The following CIB4 variants were observed in gnomAD, a reference collection of about 807,000 sequenced individuals.
CIB4 encodes the protein calcium and integrin-binding family member 4.
In CIB4, 25 loss-of-function variants were observed where a neutral mutation model predicts 25.8. That is an observed-to-expected ratio of 0.97 (90% CI 0.71 to 1.35). The LOEUF (loss-of-function observed/expected upper bound fraction) is 1.35. Ranked by LOEUF, CIB4 falls within the 40% of genes most tolerant of loss-of-function variation. The pLI, the probability that CIB4 is intolerant of heterozygous loss-of-function variation, is 0.00. For synonymous variants in CIB4, 75 were observed against 81.4 expected (o/e 0.92, Z 0.42); for missense variants, 235 against 228.2 (o/e 1.03, Z -0.19).
chr2:26,625,328 G>A (rs1187911675), intron 3 of CIB4, among the ~76,000 whole-genome samples: 2 of 151,362 alleles, frequency 1.3e-5, no homozygotes, highest in South Asian at 2.1e-4. Context: ...CACCTAGAGC[G>A]AGGCCTTTCC....
intron 6 of CIB4, among the ~76,000 whole-genome samples, chr2:26,582,380 G>A (rs553054443): frequency 1.5e-4 from 23 of 152,194 alleles, no homozygotes; most frequent in Middle Eastern, 3.2e-3. Context: ...GACCCTTTGG[G>A]CCCCTCCTGC....
At chr2:26,603,569 C>G (rs1390032829) in intron 3 of CIB4, among the ~76,000 whole-genome samples, 1 of 152,062 alleles carries the variant, frequency 6.6e-6, no homozygotes, top group East Asian at 1.9e-4. Context: ...CATCCAAGAA[C>G]AAAACTCAGT....
intron 3 of CIB4, among the ~76,000 whole-genome samples, chr2:26,629,168 C>T (rs1442273386): frequency 6.6e-6 from 1 of 152,186 alleles, no homozygotes; most frequent in African/African-American, 2.4e-5. Flanking sequence ...GAAGTAGTGA[C>T]TGTTATCACA....
intron 4 of CIB4, among the ~76,000 whole-genome samples, chr2:26,589,059 C>CTT (rs769408217): frequency 0.07 from 2,019 of 28,878 alleles, 54 homozygotes; most frequent in East Asian, 0.21. Flanking sequence ...TCTTCTTCTT[C>CTT]CTCTTCCTCT....
chr2:26,616,009 C>CGGTGGGGGGT, intron 3 of CIB4, among the ~76,000 whole-genome samples: 1 of 152,314 alleles, frequency 6.6e-6, no homozygotes, highest in South Asian at 2.1e-4. Flanking sequence ...CGCTGGGGGG[C>CGGTGGGGGGT]GGTGGGGGGT....
chr2:26,588,981 C>T (rs186620066), intron 4 of CIB4, among the ~76,000 whole-genome samples: 3,037 of 13,316 alleles, frequency 0.23, 88 homozygotes, highest in East Asian at 0.3. Context: ...CTTCTTCTTT[C>T]TTCTTCTTCT....
intron 4 of CIB4, among the ~76,000 whole-genome samples, chr2:26,584,585 C>A (rs1469764120): frequency 2.0e-5 from 3 of 152,242 alleles, no homozygotes; most frequent in Non-Finnish European, 4.4e-5. Context: ...TTCCCTCCAA[C>A]CCCGTGCATC....
rs377190174 is a variant in CIB4, at chr2:26,632,809, C to T, written c.90-3303G>A. On this transcript the variant is annotated intron_variant, in intron 2 of 6. Coordinates refer to ENST00000288861, the MANE Select transcript of CIB4 (RefSeq NM_001029881.3). ...AAAGGGTTAAGGGCAGTGGGAGTGG[C>T]CGGCTCCAGTCAAAAGGAGCATTTT... 5.3e-5 allele frequency among the ~76,000 whole-genome samples: 8 copies of T among 151,926 alleles called. No homozygotes were observed. In the East Asian group the frequency reaches 1.4e-3, roughly 26 times the overall value.
At chr2:26,611,357 T>C (rs1430510992) in intron 3 of CIB4, among the ~76,000 whole-genome samples, 1 of 152,196 alleles carries the variant, frequency 6.6e-6, no homozygotes, top group Non-Finnish European at 1.5e-5. Flanking sequence ...AGCTGCCTAT[T>C]GAAAAACCAC....
At chr2:26,637,609 G>A (rs1295300323) in intron 2 of CIB4, among the ~76,000 whole-genome samples, 1 of 152,120 alleles carries the variant, frequency 6.6e-6, no homozygotes, top group African/African-American at 2.4e-5. Flanking sequence ...TCTAAGGGCA[G>A]TCTTCCACAG....
intron 2 of CIB4, among the ~76,000 whole-genome samples, chr2:26,630,280 C>A (rs942529116): frequency 6.6e-6 from 1 of 152,134 alleles, no homozygotes; most frequent in African/African-American, 2.4e-5. Flanking sequence ...GAACCTGGGT[C>A]CCTGTCCACC....
intron 3 of CIB4, among the ~76,000 whole-genome samples, chr2:26,598,380 G>T (rs1468224328): frequency 6.6e-6 from 1 of 152,070 alleles, no homozygotes; most frequent in African/African-American, 2.4e-5. Flanking sequence ...TCAGCAGCCG[G>T]CTAAAAATGA....
Position 26,582,865 on chromosome 2 carries a change from C to T in CIB4, c.487G>A (p.Glu163Lys), listed in dbSNP as rs1312449037. Residue 163 changes from glutamate to lysine, a missense_variant, in exon 6 of 7, where the codon GAG becomes AAG. Coordinates refer to ENST00000288861, the MANE Select transcript of CIB4 (RefSeq NM_001029881.3). The stretch of plus-strand genomic sequence containing the variant: ...GACTTGGCCATTGCATGTTCAAACT[C>T]TGAGAAGGACAGCATGTTGTCATTG... ...LDNDNMLSFS[E>K]FEHAMAKSPD... The T allele has an allele frequency of 1.2e-6, 2 of 1,613,784 alleles. No individual in the cohort carries two copies. The highest frequency in any genetic ancestry group is 1.7e-5 in the Admixed American group (1 of 60,004).
intron 3 of CIB4, among the ~76,000 whole-genome samples, chr2:26,606,887 C>T (rs539123861): frequency 1.8e-4 from 27 of 152,268 alleles, no homozygotes; most frequent in African/African-American, 6.3e-4. Flanking sequence ...AGGATGTGTC[C>T]TGCCGGCAGC....
At chr2:26,582,493 C>T (rs1402633603) in intron 6 of CIB4, among the ~76,000 whole-genome samples, 2 of 152,172 alleles carry the variant, frequency 1.3e-5, no homozygotes, top group Non-Finnish European at 2.9e-5. Flanking sequence ...CCCAGTTGGC[C>T]GCTGGAGGCA....
At chr2:26,595,446 T>A in intron 3 of CIB4, 129 bp from the exon 4 acceptor site, 1 of 1,047,450 alleles carries the variant, frequency 9.5e-7, no homozygotes, top group South Asian at 1.8e-5. Context: ...AATGTAAATA[T>A]CGGAGTAGAT....
Position 26,612,053 on chromosome 2 carries a change from A to C in CIB4, c.187-16736T>G, listed in dbSNP as rs575015734. 2.6e-5 allele frequency among the ~76,000 whole-genome samples: 4 copies of C among 152,386 alleles called. No individual in the cohort carries two copies. The South Asian group carries it at 8.3e-4, about 32-fold the overall frequency. On this transcript the variant is annotated intron_variant, in intron 3 of 6. Coordinates refer to ENST00000288861, the MANE Select transcript of CIB4 (RefSeq NM_001029881.3). Reference sequence around the variant, plus strand: ...ACAATAAATAAAAAGCAAATTAAAAAAGAAAGTGCACTCCAGAGACAATTT... The same window carrying C: ...ACAATAAATAAAAAGCAAATTAAAACAGAAAGTGCACTCCAGAGACAATTT...
Position 26,627,335 on chromosome 2 carries a change from G to A in CIB4, c.186+2075C>T, listed in dbSNP as rs542389673. ...CCCCTTGGAAGTTGTTTCCCTCTTG[G>A]GACCTCAGTTTCCCCATTAATAAAA... On this transcript the variant is annotated intron_variant, in intron 3 of 6. Coordinates refer to ENST00000288861, the MANE Select transcript of CIB4 (RefSeq NM_001029881.3). This position sits in a 1 kb window ranked among gnomAD's most constrained non-coding sequence, Gnocchi z 4.0. Among the ~76,000 whole-genome samples, 32 of 152,304 alleles carry A rather than the reference G, an allele frequency of 2.1e-4. No homozygotes were observed. The highest frequency in any genetic ancestry group is 7.2e-4 in the African/African-American group (30 of 41,572).
At chr2:26,615,042 G>A (rs1288872068) in intron 3 of CIB4, among the ~76,000 whole-genome samples, 2 of 152,154 alleles carry the variant, frequency 1.3e-5, no homozygotes, top group Non-Finnish European at 2.9e-5. Context: ...AAGGAGAGTT[G>A]GCCCTGCAGT....
Sources: gnomAD v4.1 joint callset for allele counts (sites outside exome capture counted in the v4.1 genomes callset) on GRCh38, gnomAD v4.1.1 for gene constraint, Gnocchi (gnomAD v3.1) non-coding constraint, MANE v1.5 for transcripts, NCBI Gene and HGNC (gene_info 2026-07-23, HGNC 2026-07-21) for gene names.